The following COL17A1 variants were observed in gnomAD, a reference collection of about 807,000 sequenced individuals.
COL17A1 encodes collagen alpha-1(XVII) chain.
In COL17A1, 181 loss-of-function variants were observed where a neutral mutation model predicts 218.4. The observed-to-expected ratio is 0.83, with a 90% confidence interval of 0.73 to 0.94. The LOEUF is 0.94. Among genes scored for constraint, COL17A1 ranks in the 40% least tolerant of loss-of-function variants. The probability of loss-of-function intolerance (pLI) is 0.00; values close to 1 mark genes in which losing one functional copy is unlikely to be tolerated. For missense variants in COL17A1, 1,924 were observed against 1,945.9 expected, an observed-to-expected ratio of 0.99 and a Z score of 0.21; for synonymous variants, 721 against 731.0, an observed-to-expected ratio of 0.99 and a Z score of 0.22.
Position 104,033,262 on chromosome 10 carries a change from C to T in COL17A1, c.4270G>A (p.Ala1424Thr). 1 of 1,590,984 alleles carries T rather than the reference C, an allele frequency of 6.3e-7. No homozygotes were observed. Residue 1424 changes from alanine (A) to threonine (T), a missense_variant, in exon 53 of 56, where the codon GCG becomes ACG. Ala to Thr is a moderately conservative substitution (Grantham distance 58, BLOSUM62 0). Coordinates refer to ENST00000648076, the MANE Select transcript of COL17A1 (RefSeq NM_000494.4). ...CTTTGGAAGAAGTCCATGAGGTCCG[C>T]AGTCACGTTGCTGTAGGCAGAGAAG... is the stretch of plus-strand genomic sequence containing the variant. The part of the protein sequence containing the change: ...KVFSAYSNVT[A>T]DLMDFFQTYG...
chr10:104,064,568 C>G lies in COL17A1; in HGVS notation c.636G>C (p.Leu212=), dbSNP rs1589572596. Residue 212 remains leucine, a synonymous_variant, in exon 10 of 56, where the codon CTG becomes CTC. Coordinates refer to ENST00000648076, the MANE Select transcript of COL17A1 (RefSeq NM_000494.4). ...ACACATGGGAGGGAAGGTTGGCATC[C>G]AGGATCGTTGCATCGTAGGTGCCTG... ...SVSGTYDATI[L]DANLPSHVWS... is the part of the protein sequence containing the mutation. The G allele has an allele frequency of 6.2e-7, 1 of 1,613,902 alleles. No individual in the cohort carries two copies. The highest frequency in any genetic ancestry group is 1.1e-5 in the South Asian group (1 of 91,014).
intron 20 of COL17A1, 83 bp downstream of exon 20, chr10:104,054,898 G>A (rs2086505081): frequency 6.2e-7 from 1 of 1,602,382 alleles, no homozygotes. Flanking sequence ...GGAGTGCAAG[G>A]TGGGTTTTCT....
intron 8 of COL17A1, 30 bp from the exon 9 acceptor site, chr10:104,070,599 A>G (rs1488267604): frequency 6.2e-7 from 1 of 1,614,140 alleles, no homozygotes; most frequent in South Asian, 1.1e-5. Flanking sequence ...CGTTTCTGTT[A>G]AGTCCAGAGT....
chr10:104,042,267 C>T (rs1160440653), intron 36 of COL17A1, among the ~76,000 whole-genome samples, 153 bp downstream of exon 36: 3 of 152,222 alleles, frequency 2.0e-5, no homozygotes, highest in Non-Finnish European at 4.4e-5. Context: ...AGGGAATCAC[C>T]TTGCAAGACC....
In COL17A1 at chr10:104,039,984, C is replaced by T. The variant is rs2134582946; in HGVS notation, c.2777G>A (p.Arg926Lys). ...CGGCTCTACTGTACCTTGGTGTCCTCTGGGGCCTGGGGGACCTGAGGGAAA... is the reference window on the plus strand; with the variant it reads ...CGGCTCTACTGTACCTTGGTGTCCTTTGGGGCCTGGGGGACCTGAGGGAAA... The part of the protein sequence containing the change: ...PKGDQGPPGP[R>K]GHQGEQGLPG... The change falls in exon 41 of 56, where the codon AGA (arginine) becomes AAA (lysine). Residue 926 changes from arginine to lysine, a missense_variant. Physicochemically the swap from Arg to Lys is conservative, Grantham distance 26. Transcript: ENST00000648076. 1.2e-6 allele frequency: 2 copies of T among 1,614,106 alleles called. No individual in the cohort carries two copies. Among genetic ancestry groups the T allele is most frequent in the Non-Finnish European group, 1.7e-6 (2 of 1,180,018 alleles).
At chr10:104,064,883 A>G (rs1361347825) in intron 9 of COL17A1, among the ~76,000 whole-genome samples, 2 of 152,164 alleles carry the variant, frequency 1.3e-5, no homozygotes, top group Non-Finnish European at 1.5e-5. Flanking sequence ...CTGGCTCCCC[A>G]TCTCCTGGTG....
intron 44 of COL17A1, 36 bp from the exon 45 acceptor site, chr10:104,038,564 C>A: frequency 6.2e-7 from 1 of 1,604,906 alleles, no homozygotes; most frequent in South Asian, 1.1e-5. Flanking sequence ...GTCGGTTTCT[C>A]CACCCTAGGG....
At chr10:104,075,650 C>T (rs1377998925) in intron 5 of COL17A1, among the ~76,000 whole-genome samples, 1 of 152,210 alleles carries the variant, frequency 6.6e-6, no homozygotes, top group African/African-American at 2.4e-5. Flanking sequence ...TTGCTAAAAA[C>T]TCTCTGTGGC....
chr10:104,068,121 A>T (rs2086642149), intron 9 of COL17A1, among the ~76,000 whole-genome samples: 1 of 152,212 alleles, frequency 6.6e-6, no homozygotes, highest in Non-Finnish European at 1.5e-5. Context: ...ACATCAGGTC[A>T]GGAATATATT....
chr10:104,080,578 T>G, intron 2 of COL17A1, 44 bp downstream of exon 2: 1 of 1,599,108 alleles, frequency 6.3e-7, no homozygotes, highest in Non-Finnish European at 8.5e-7. Context: ...TTTTTATTAC[T>G]TTCATAATAA....
chr10:104,032,307 C>G lies in COL17A1; in HGVS notation c.4439-17G>C. 1.2e-6 allele frequency: 2 copies of G among 1,611,874 alleles called. No homozygotes were observed. Among genetic ancestry groups the G allele is most frequent in the Non-Finnish European group, 1.7e-6 (2 of 1,177,946 alleles). On this transcript the variant is annotated splice_polypyrimidine_tract_variant and intron_variant, in intron 55 of 55. Transcript: ENST00000648076. Reference sequence around the variant, plus strand: ...CTTGGTCACCTGAAAGTTAGAAGATCAGTAGGAAGTTAAAACATATCTTGT... The same window carrying G: ...CTTGGTCACCTGAAAGTTAGAAGATGAGTAGGAAGTTAAAACATATCTTGT...
chr10:104,035,287 C>T lies in COL17A1; in HGVS notation c.3595G>A (p.Glu1199Lys). 6.2e-7 allele frequency: 1 copy of T among 1,614,074 alleles called. No individual in the cohort carries two copies. The highest frequency in any genetic ancestry group is 8.5e-7 in the Non-Finnish European group (1 of 1,179,964). The part of the protein sequence containing the change: ...PGNVWSSISV[E>K]DLSSYLHTAG... ...CTATGTAAGTAAGACGAGAGGTCCT[C>T]CACGCTGATGCTGGACCACACATTG... Residue 1199 changes from glutamate to lysine, a missense_variant, in exon 50 of 56, where the codon GAG becomes AAG. Transcript: ENST00000648076.
Position 104,036,588 on chromosome 10 carries a change from G to C in COL17A1, c.3322C>G (p.Arg1108Gly). 6.2e-7 allele frequency: 1 copy of C among 1,613,976 alleles called. No individual in the cohort carries two copies. Among genetic ancestry groups the C allele is most frequent in the Non-Finnish European group, 8.5e-7 (1 of 1,179,940 alleles). ...QYLRQYLMGPRGPPGPPGASG... is the reference protein window; with the variant it reads ...QYLRQYLMGPGGPPGPPGASG... ...GCTCCTGGTGGCCCTGGCGGACCCC[G>C]AGGGCCCATCAAGTACTGACGTAGG... is the stretch of plus-strand genomic sequence containing the variant. Residue 1108 changes from arginine (R) to glycine (G), a missense_variant, in exon 48 of 56, where the codon CGG (arginine) becomes GGG (glycine). Physicochemically the swap from Arg to Gly is moderately radical, Grantham distance 125. Coordinates refer to ENST00000648076, the MANE Select transcript of COL17A1 (RefSeq NM_000494.4).
chr10:104,056,135 A>G, intron 17 of COL17A1, 132 bp from the exon 18 acceptor site: 1 of 1,104,742 alleles, frequency 9.1e-7, no homozygotes, highest in Admixed American at 1.8e-5. Context: ...ATACTCATGC[A>G]GAGATAATCT....
intron 33 of COL17A1, among the ~76,000 whole-genome samples, chr10:104,044,356 T>A (rs897845635): frequency 6.6e-6 from 1 of 152,168 alleles, no homozygotes; most frequent in African/African-American, 2.4e-5. Context: ...TATATAAAGG[T>A]TAACAAGATC....
Position 104,034,128 on chromosome 10 carries a change from CGCCTGCACCCAGGGA to C in COL17A1, c.3958_3972del (p.Ser1320_Gly1324del), listed in dbSNP as rs1349154934. ...TCTCCTGCAGCTTCACCAAAGGCAC[CGCCTGCACCCAGGGA>C]GCCTGCACCACCTCCTCCTGTGCTC... On this transcript the variant is annotated inframe_deletion, in exon 52 of 56. Coordinates refer to ENST00000648076, the MANE Select transcript of COL17A1 (RefSeq NM_000494.4). The C allele has an allele frequency of 5.0e-6, 8 of 1,614,016 alleles. 1 individual carries two copies. The South Asian group carries it at 5.5e-5, about 11-fold the overall frequency.
At chr10:104,071,549 T>C (rs1453508230) in intron 8 of COL17A1, among the ~76,000 whole-genome samples, 1 of 152,230 alleles carries the variant, frequency 6.6e-6, no homozygotes, top group Non-Finnish European at 1.5e-5. Flanking sequence ...CAAATTCTTA[T>C]ACTCTACTAC....
intron 41 of COL17A1, 132 bp downstream of exon 41, chr10:104,039,837 ATTCC>A: frequency 2.2e-6 from 3 of 1,341,444 alleles, no homozygotes; most frequent in Non-Finnish European, 3.2e-6. Context: ...ACACTCAACC[ATTCC>A]TAGAGAAACA....
chr10:104,040,636 AGATG>A (rs2086350727), intron 39 of COL17A1, among the ~76,000 whole-genome samples: 1 of 151,930 alleles, frequency 6.6e-6, no homozygotes, highest in Non-Finnish European at 1.5e-5. Context: ...GTGGATGGGT[AGATG>A]GATGGATAAA....
Sources: allele counts gnomAD v4.1 joint callset (sites outside exome capture counted in the v4.1 genomes callset), GRCh38; gene constraint gnomAD v4.1.1; transcripts MANE v1.5; gene names NCBI Gene and HGNC (gene_info 2026-07-23, HGNC 2026-07-21).